Variants in GPHN observed in about 807,000 individuals in gnomAD.
GPHN encodes gephyrin.
Under a neutral mutation model 95.5 loss-of-function variants are expected in GPHN, and 17 were observed. That is an observed-to-expected ratio of 0.18 (90% CI 0.12 to 0.27). The LOEUF (loss-of-function observed/expected upper bound fraction) is 0.27, where lower values mean the gene tolerates loss of function less well. Among genes scored for constraint, GPHN ranks in the 10% least tolerant of loss-of-function variants. The pLI is 1.00. For missense variants in GPHN, 660 were observed against 978.1 expected (o/e 0.67, Z 4.34); for synonymous variants, 320 against 322.5 (o/e 0.99, Z 0.08).
intron 1 of GPHN, among the ~76,000 whole-genome samples, chr14:66,565,512 C>T (rs1437484191): frequency 6.6e-6 from 1 of 152,080 alleles, no homozygotes; most frequent in Non-Finnish European, 1.5e-5. Flanking sequence ...GTTGCCCAAG[C>T]TGGTCTTGAA....
At chr14:66,991,109 A>T (rs1343436951) in intron 9 of GPHN, among the ~76,000 whole-genome samples, 1 of 152,106 alleles carries the variant, frequency 6.6e-6, no homozygotes, top group Non-Finnish European at 1.5e-5. Flanking sequence ...TGTATTATTT[A>T]TTCAACATTG....
intron 17 of GPHN, among the ~76,000 whole-genome samples, chr14:67,129,420 TTATAA>T (rs2079543087): frequency 6.6e-6 from 1 of 152,162 alleles, no homozygotes; most frequent in Non-Finnish European, 1.5e-5. Flanking sequence ...TTAAGTAAAA[TTATAA>T]TATTTTGTAA....
At position 67,079,286 on chromosome 14, in the gene GPHN, A is replaced by T. The variant is rs117072623; in HGVS notation, c.1145-9697A>T. Among the ~76,000 whole-genome samples the T allele has an allele frequency of 4.3e-3, 662 of 152,184 alleles. 1 individual carries two copies. The highest frequency in any genetic ancestry group is 7.0e-3 in the Non-Finnish European group (474 of 67,964). On this transcript the variant is annotated intron_variant, in intron 11 of 22. Coordinates refer to ENST00000478722, the MANE Select transcript of GPHN (RefSeq NM_020806.5). ...CCATCACCACAATTTTAGAAGATATAATTCATATGCTATACAATTCAAAGT... is the reference window on the plus strand; with the variant it reads ...CCATCACCACAATTTTAGAAGATATTATTCATATGCTATACAATTCAAAGT...
chr14:67,585,862 C>T, the GPHN span: 1 of 1,383,168 alleles, frequency 7.2e-7, no homozygotes, highest in South Asian at 1.3e-5. Context: ...GTTCTCCTTT[C>T]CTGTGCCTAG....
At chr14:66,973,481 A>G (rs1424034953) in intron 9 of GPHN, among the ~76,000 whole-genome samples, 1 of 152,254 alleles carries the variant, frequency 6.6e-6, no homozygotes, top group Non-Finnish European at 1.5e-5. Context: ...GAAATAGGCC[A>G]GACGTGGTGG....
At chr14:66,588,075 G>T (rs747006349) in intron 1 of GPHN, among the ~76,000 whole-genome samples, 1 of 152,264 alleles carries the variant, frequency 6.6e-6, no homozygotes, top group South Asian at 2.1e-4. Flanking sequence ...TGCAGCCTCC[G>T]CTGGTGATAC....
At position 67,045,389 on chromosome 14, in the gene GPHN, CCTCT is replaced by C. The variant is rs530194140; in HGVS notation, c.1007-13257_1007-13254del. On this transcript the variant is annotated intron_variant, in intron 10 of 22. Coordinates refer to ENST00000478722, the MANE Select transcript of GPHN (RefSeq NM_020806.5). ...GTCTCTTTTTCTCTATCTCTGTCTC[CCTCT>C]CTGTCTCTCTCTCTGTGTCTCTCTC... 2.9e-3 allele frequency among the ~76,000 whole-genome samples: 447 copies of C among 151,624 alleles called. 3 individuals are homozygous for C. The highest frequency in any genetic ancestry group is 0.01 in the African/African-American group (430 of 41,334).
At chr14:66,557,438 G>A (rs2060052370) in intron 1 of GPHN, among the ~76,000 whole-genome samples, 1 of 152,128 alleles carries the variant, frequency 6.6e-6, no homozygotes, top group South Asian at 2.1e-4. Context: ...GAGATACTTT[G>A]TACTTACAAG....
chr14:67,327,487 AT>A, the GPHN span, among the ~76,000 whole-genome samples: 1 of 147,974 alleles, frequency 6.8e-6, no homozygotes, highest in East Asian at 2.0e-4. Context: ...TTTTTATTTT[AT>A]TTTTTTATTT....
chr14:66,686,815 C>T (rs966629347), intron 2 of GPHN, among the ~76,000 whole-genome samples: 3 of 152,180 alleles, frequency 2.0e-5, no homozygotes, highest in African/African-American at 7.2e-5. Flanking sequence ...GAGAGGGCAT[C>T]CCTGTCTTGT....
intron 1 of GPHN, among the ~76,000 whole-genome samples, chr14:66,602,076 G>A (rs543496502): frequency 7.8e-4 from 118 of 151,864 alleles, no homozygotes; most frequent in Middle Eastern, 6.8e-3. Flanking sequence ...CATTTTTTGC[G>A]TTTCTGATAA....
At chr14:67,439,593 C>CTTT in the GPHN span, among the ~76,000 whole-genome samples, 42 of 109,846 alleles carry the variant, frequency 3.8e-4, no homozygotes, top group East Asian at 5.4e-3. Flanking sequence ...TTCTTTCTTT[C>CTTT]TTCTTTCTTT....
At chr14:66,988,135 T>C (rs528041011) in intron 9 of GPHN, among the ~76,000 whole-genome samples, 2 of 152,086 alleles carry the variant, frequency 1.3e-5, no homozygotes, top group Admixed American at 1.3e-4. Flanking sequence ...TTCTTTCTTT[T>C]CTAGCTGCGG....
At chr14:67,563,515 C>T in the GPHN span, among the ~76,000 whole-genome samples, 1 of 151,896 alleles carries the variant, frequency 6.6e-6, no homozygotes, top group African/African-American at 2.4e-5. Flanking sequence ...CTCACTGTAA[C>T]CTCTGCCTCC....
At chr14:67,361,907 G>A in the GPHN span, among the ~76,000 whole-genome samples, 1 of 151,106 alleles carries the variant, frequency 6.6e-6, no homozygotes, top group Non-Finnish European at 1.5e-5. Context: ...CACCTTTCCT[G>A]TTCATTGCTT....
intron 2 of GPHN, among the ~76,000 whole-genome samples, chr14:66,682,344 A>T (rs181223526): frequency 1.0e-3 from 158 of 152,356 alleles, no homozygotes; most frequent in African/African-American, 3.6e-3. Flanking sequence ...TTCTGTTAGG[A>T]TGTAAATATA....
chr14:67,085,305 C>T (rs1253563181), intron 11 of GPHN, among the ~76,000 whole-genome samples: 1 of 152,210 alleles, frequency 6.6e-6, no homozygotes, highest in East Asian at 1.9e-4. Flanking sequence ...ACAACTCAGG[C>T]ATTCAAGACA....
chr14:66,940,333 C>T (rs551217178), intron 8 of GPHN, among the ~76,000 whole-genome samples: 9 of 152,156 alleles, frequency 5.9e-5, no homozygotes, highest in Admixed American at 1.3e-4. Flanking sequence ...AATGACTACT[C>T]ATGTAGAAAG....
rs572035353 is a variant in GPHN at position 66,957,447 on chromosome 14, C to T, written c.829-7744C>T. 1.2e-4 allele frequency among the ~76,000 whole-genome samples: 19 copies of T among 152,032 alleles called. No individual in the cohort carries two copies. The East Asian group carries it at 2.1e-3, about 17-fold the overall frequency. ...CTGACCTCAGGTGATCCACCCACCT[C>T]GGCCTCCCAAATTGTTGGGATTACA... is the stretch of plus-strand genomic sequence containing the variant. On this transcript the variant is annotated intron_variant, in intron 8 of 22. Transcript: ENST00000478722.
Sources: gnomAD v4.1 joint callset for allele counts (sites outside exome capture counted in the v4.1 genomes callset) on GRCh38, gnomAD v4.1.1 for gene constraint, MANE v1.5 for transcripts, NCBI Gene and HGNC (gene_info 2026-07-23, HGNC 2026-07-21) for gene names.